PRKG2: variants seen among roughly 807,000 people sequenced by gnomAD.
PRKG2 encodes cGMP-dependent protein kinase 2.
Under a neutral mutation model 97.2 loss-of-function variants are expected in PRKG2, and 33 were observed. That is an observed-to-expected ratio of 0.34 (90% confidence interval 0.26 to 0.45). PRKG2 has a LOEUF of 0.45. Among genes scored for constraint, PRKG2 ranks in the 20% least tolerant of loss-of-function variants. The pLI is 1.00. For synonymous variants in PRKG2, 330 were observed against 321.8 expected, an observed-to-expected ratio of 1.03 and a Z score of -0.27; for missense variants, 638 against 900.0, an observed-to-expected ratio of 0.71 and a Z score of 3.73.
At chr4:81,142,380 C>T (rs1578411200) in intron 11 of PRKG2, among the ~76,000 whole-genome samples, 1 of 152,288 alleles carries the variant, frequency 6.6e-6, no homozygotes, top group East Asian at 1.9e-4. Flanking sequence ...ACAACTATAA[C>T]ATTGAATATT....
chr4:81,101,879 A>G (rs1742835691), intron 17 of PRKG2, among the ~76,000 whole-genome samples: 1 of 152,134 alleles, frequency 6.6e-6, no homozygotes, highest in African/African-American at 2.4e-5. Flanking sequence ...TTTTAACTCT[A>G]AGAATATACT....
intron 2 of PRKG2, among the ~76,000 whole-genome samples, chr4:81,194,546 C>T (rs561476204): frequency 2.7e-4 from 41 of 152,234 alleles, no homozygotes; most frequent in African/African-American, 9.6e-4. Flanking sequence ...TAATTAAATA[C>T]AGTTGTAATT....
intron 15 of PRKG2, among the ~76,000 whole-genome samples, chr4:81,108,928 T>C (rs1743633481): frequency 6.6e-6 from 1 of 152,092 alleles, no homozygotes; most frequent in Non-Finnish European, 1.5e-5. Context: ...TCTCAACTTC[T>C]TTATGACCTA....
intron 14 of PRKG2, among the ~76,000 whole-genome samples, chr4:81,125,918 T>C (rs1468085624): frequency 6.6e-6 from 1 of 152,194 alleles, no homozygotes; most frequent in African/African-American, 2.4e-5. Flanking sequence ...GGGATACATG[T>C]GCAGAATGTG....
chr4:81,200,452 A>G (rs1214000694), intron 2 of PRKG2, among the ~76,000 whole-genome samples: 1 of 152,222 alleles, frequency 6.6e-6, no homozygotes, highest in Non-Finnish European at 1.5e-5. Flanking sequence ...GGATGAAGCT[A>G]GGAAGCTCCA....
At chr4:81,165,191 G>A (rs751296) in intron 6 of PRKG2, among the ~76,000 whole-genome samples, 16,594 of 152,108 alleles carry the variant, frequency 0.11, 1,110 homozygotes, top group Middle Eastern at 0.21. Flanking sequence ...AATGTTCTGA[G>A]TGATTTAAGC....
intron 17 of PRKG2, among the ~76,000 whole-genome samples, chr4:81,099,720 A>G (rs1742516780): frequency 6.6e-6 from 1 of 152,128 alleles, no homozygotes; most frequent in African/African-American, 2.4e-5. Flanking sequence ...CAGGGCAATC[A>G]GGCAGGAGAA....
chr4:81,152,122 T>A, intron 7 of PRKG2, 68 bp from the exon 8 acceptor site: 1 of 1,207,100 alleles, frequency 8.3e-7, no homozygotes, highest in Non-Finnish European at 1.2e-6. Flanking sequence ...CACACATTCA[T>A]TCAACCAAAC....
intron 1 of PRKG2, among the ~76,000 whole-genome samples, chr4:81,206,561 G>C (rs1373282165): frequency 6.6e-6 from 1 of 152,020 alleles, no homozygotes; most frequent in African/African-American, 2.4e-5. Flanking sequence ...TATTATAATA[G>C]CAACATGAGA....
At chr4:81,119,605 T>C (rs78167095) in intron 14 of PRKG2, among the ~76,000 whole-genome samples, 5,938 of 152,206 alleles carry the variant, frequency 0.039, 408 homozygotes, top group African/African-American at 0.14. Flanking sequence ...CTTGCCTCCA[T>C]ATATAAATTT....
At chr4:81,113,772 A>AT (rs1422508350) in intron 14 of PRKG2, among the ~76,000 whole-genome samples, 1 of 152,142 alleles carries the variant, frequency 6.6e-6, no homozygotes, top group Non-Finnish European at 1.5e-5. Context: ...TTTATGTGGC[A>AT]TTTTTAGTGT....
rs1741763006 is a variant in PRKG2 at position 81,093,204 on chromosome 4, T to G, written c.2127-752A>C. 2.6e-5 allele frequency among the ~76,000 whole-genome samples: 4 copies of G among 152,032 alleles called. No individual in the cohort carries two copies. In the South Asian group the frequency reaches 6.2e-4, roughly 24 times the overall value. On this transcript the variant is annotated intron_variant, in intron 17 of 18. Transcript: ENST00000264399. ...TCACTATTCTCCTAACCAACTAGGG[T>G]TGTTCCCACTTTAAGGCCTTTGTAC...
chr4:81,118,787 G>GGTTT (rs956206051), intron 14 of PRKG2, among the ~76,000 whole-genome samples: 30 of 151,960 alleles, frequency 2.0e-4, no homozygotes, highest in Middle Eastern at 3.4e-3. Context: ...GTTTTCGTTT[G>GGTTT]GTTTGTTTGT....
chr4:81,153,623 T>G, intron 7 of PRKG2, 21 bp downstream of exon 7: 1 of 1,529,928 alleles, frequency 6.5e-7, no homozygotes, highest in Non-Finnish European at 9.0e-7. Context: ...TTTTATTTAG[T>G]AAGTTTTAAT....
intron 17 of PRKG2, among the ~76,000 whole-genome samples, chr4:81,103,514 TC>T (rs1219902639): frequency 1.3e-5 from 2 of 152,094 alleles, no homozygotes; most frequent in African/African-American, 4.8e-5. Flanking sequence ...TTGAGGATAT[TC>T]AAAGGAAAAT....
intron 14 of PRKG2, among the ~76,000 whole-genome samples, chr4:81,112,368 T>A (rs967863159): frequency 6.6e-6 from 1 of 152,190 alleles, no homozygotes; most frequent in Non-Finnish European, 1.5e-5. Context: ...CTAGCTAATT[T>A]TATAAAGACT....
At position 81,127,656 on chromosome 4, in the gene PRKG2, C is replaced by T. The variant is rs367668629; in HGVS notation, c.1776+7499G>A. Among the ~76,000 whole-genome samples the T allele has an allele frequency of 2.0e-4, 31 of 152,248 alleles. No homozygotes were observed. In the South Asian group the frequency reaches 6.4e-3, roughly 32 times the overall value. ...TGTGTATTACTGGTGTATAAGAATG[C>T]TTCTAATTTTGACACATAGATTTTG... On this transcript the variant is annotated intron_variant, in intron 14 of 18. Transcript: ENST00000264399.
intron 6 of PRKG2, among the ~76,000 whole-genome samples, chr4:81,159,218 C>T (rs558801271): frequency 1.3e-5 from 2 of 151,938 alleles, no homozygotes; most frequent in Admixed American, 1.3e-4. Flanking sequence ...TCATCTGACA[C>T]AGGGCTAATT....
At chr4:81,169,233 GA>G (rs764608565) in intron 5 of PRKG2, among the ~76,000 whole-genome samples, 2 of 152,002 alleles carry the variant, frequency 1.3e-5, no homozygotes, top group Non-Finnish European at 2.9e-5. Flanking sequence ...ATGCAAATAA[GA>G]AAGTCTCAGG....
Sources: gnomAD v4.1 joint callset for allele counts (sites outside exome capture counted in the v4.1 genomes callset) on GRCh38, gnomAD v4.1.1 for gene constraint, MANE v1.5 for transcripts, NCBI Gene and HGNC (gene_info 2026-07-23, HGNC 2026-07-21) for gene names.